TNFRSF10A: variants seen among roughly 807,000 people sequenced by gnomAD.
TNFRSF10A encodes the protein tumor necrosis factor receptor superfamily member 10A.
A neutral mutation model predicts 42.8 loss-of-function variants in TNFRSF10A; 44 were observed. The ratio of observed to expected loss-of-function variants is 1.03; its 90% CI spans 0.81 to 1.32. The LOEUF (loss-of-function observed/expected upper bound fraction) is 1.32. Ranked by LOEUF, TNFRSF10A falls within the 40% of genes most tolerant of loss-of-function variation. The pLI, the probability that TNFRSF10A is intolerant of heterozygous loss-of-function variation, is 0.00. For missense variants in TNFRSF10A, 680 were observed against 602.0 expected (o/e 1.13, Z -1.36); for synonymous variants, 259 against 234.2 (o/e 1.11, Z -0.97).
intron 6 of TNFRSF10A, 89 bp downstream of exon 6, chr8:23,200,416 T>G: frequency 6.9e-7 from 1 of 1,442,516 alleles, no homozygotes; most frequent in Non-Finnish European, 9.7e-7. Context: ...ACACTAGGAC[T>G]TGGGGCAGGG....
At chr8:23,194,453 T>C (rs11780345) in intron 9 of TNFRSF10A, among the ~76,000 whole-genome samples, 42,422 of 152,240 alleles carry the variant, frequency 0.28, 6,665 homozygotes, top group Non-Finnish European at 0.36. Context: ...TTGTCTTTGC[T>C]AGATATTTTG....
chr8:23,207,226 A>G (rs1219271422), intron 2 of TNFRSF10A: 4 of 598,612 alleles, frequency 6.7e-6, no homozygotes, highest in Non-Finnish European at 1.3e-5. Context: ...CACCAGATCA[A>G]ACAGGTTGTG....
At chr8:23,224,065 G>A (rs13260087) in intron 1 of TNFRSF10A, among the ~76,000 whole-genome samples, 1 of 152,118 alleles carries the variant, frequency 6.6e-6, no homozygotes, top group Admixed American at 6.5e-5. Context: ...GGTGGCTCAC[G>A]CCTGTAATCC....
At chr8:23,224,676 C>G (rs2128852703) in intron 1 of TNFRSF10A, 80 bp downstream of exon 1, 1 of 1,477,540 alleles carries the variant, frequency 6.8e-7, no homozygotes, top group South Asian at 1.3e-5. Context: ...CCAGGCACCC[C>G]CGCCGCGTCC....
chr8:23,215,098 T>C (rs1801157326), intron 1 of TNFRSF10A, among the ~76,000 whole-genome samples: 1 of 152,206 alleles, frequency 6.6e-6, no homozygotes, highest in Non-Finnish European at 1.5e-5. Context: ...CTCAAGTGTA[T>C]AAGGGTGATG....
chr8:23,201,051 G>A (rs75363255), intron 4 of TNFRSF10A, among the ~76,000 whole-genome samples: 2 of 152,150 alleles, frequency 1.3e-5, no homozygotes, highest in Non-Finnish European at 2.9e-5. Flanking sequence ...GGAGGCCTGC[G>A]TTAGGAGGAA....
chr8:23,200,017 A>G, intron 6 of TNFRSF10A, 100 bp from the exon 7 acceptor site: 5 of 1,477,156 alleles, frequency 3.4e-6, no homozygotes, highest in Non-Finnish European at 4.7e-6. Context: ...GGGCTGGGAC[A>G]CTGGACAAAG....
At position 23,200,471 on chromosome 8, in the gene TNFRSF10A, G is replaced by A. The variant is rs768589781; in HGVS notation, c.799+34C>T. On this transcript the variant is annotated intron_variant, in intron 6 of 9. Transcript: ENST00000221132. Reference sequence around the variant, plus strand: ...GGAACAGAAGAAGGCAGGGCAGAGAGTGCCCAGAGCCCTTGCCCTCAGCCA... The same window carrying A: ...GGAACAGAAGAAGGCAGGGCAGAGAATGCCCAGAGCCCTTGCCCTCAGCCA... The A allele has an allele frequency of 3.1e-6, 5 of 1,605,494 alleles. No individual in the cohort carries two copies. In the South Asian group the frequency reaches 4.4e-5, roughly 14 times the overall value.
At chr8:23,209,106 G>A (rs1444024344) in intron 2 of TNFRSF10A, among the ~76,000 whole-genome samples, 3 of 152,220 alleles carry the variant, frequency 2.0e-5, no homozygotes, top group Admixed American at 2.0e-4. Context: ...AGCTTGGGCT[G>A]TTGCTTCAGA....
intron 1 of TNFRSF10A, among the ~76,000 whole-genome samples, chr8:23,218,387 T>TA (rs1002276220): frequency 6.6e-6 from 1 of 152,108 alleles, no homozygotes; most frequent in Non-Finnish European, 1.5e-5. Flanking sequence ...ATACACACCC[T>TA]AAAAAAATGC....
chr8:23,197,108 C>T (rs1218158184), intron 9 of TNFRSF10A, 24 bp downstream of exon 9: 11 of 1,613,940 alleles, frequency 6.8e-6, no homozygotes, highest in Non-Finnish European at 9.3e-6. Flanking sequence ...ATTTCTGCTG[C>T]ATCTCCAGGA....
intron 3 of TNFRSF10A, 35 bp from the exon 4 acceptor site, chr8:23,201,954 T>A (rs536407875): frequency 6.3e-7 from 1 of 1,591,518 alleles, no homozygotes; most frequent in African/African-American, 1.3e-5. Flanking sequence ...GGAATGTGTT[T>A]CCCTGACGTG....
At chr8:23,199,195 G>A in intron 8 of TNFRSF10A, 71 bp downstream of exon 8, 1 of 1,555,116 alleles carries the variant, frequency 6.4e-7, no homozygotes, top group East Asian at 2.3e-5. Flanking sequence ...CTTCCCCTTT[G>A]ACCAGGAGAG....
chr8:23,200,750 C>A lies in TNFRSF10A; in HGVS notation c.640G>T (p.Gly214Trp). Reference sequence around the variant, plus strand: ...GTACAATCCTTGACCTTGACCATCCCTCTGGGGCACCTGGGTACACACAGG... The same window carrying A: ...GTACAATCCTTGACCTTGACCATCCATCTGGGGCACCTGGGTACACACAGG... ...CRKCSRGCPRGMVKVKDCTPW... is the reference protein window; with the variant it reads ...CRKCSRGCPRWMVKVKDCTPW... The change falls in exon 5 of 10, where the codon GGG (glycine) becomes TGG (tryptophan). Residue 214 changes from glycine to tryptophan, a missense_variant. Physicochemically the swap from Gly to Trp is radical, Grantham distance 184 (BLOSUM62 -2). Coordinates refer to ENST00000221132, the MANE Select transcript of TNFRSF10A (RefSeq NM_003844.4). The A allele has an allele frequency of 6.2e-7, 1 of 1,600,728 alleles. No individual in the cohort carries two copies. Among genetic ancestry groups the A allele is most frequent in the Non-Finnish European group, 8.5e-7 (1 of 1,172,596 alleles).
At chr8:23,216,395 G>C (rs773252531) in intron 1 of TNFRSF10A, among the ~76,000 whole-genome samples, 3 of 151,908 alleles carry the variant, frequency 2.0e-5, no homozygotes, top group Non-Finnish European at 4.4e-5. Context: ...TATATTTATA[G>C]AAGTGTATAA....
chr8:23,199,716 T>A (rs906224829), intron 7 of TNFRSF10A, among the ~76,000 whole-genome samples, 170 bp downstream of exon 7: 1 of 152,150 alleles, frequency 6.6e-6, no homozygotes, highest in Admixed American at 6.5e-5. Context: ...CCAGCCTGTA[T>A]GATGCTCAAA....
intron 1 of TNFRSF10A, among the ~76,000 whole-genome samples, chr8:23,223,600 C>T (rs1252301514): frequency 1.3e-5 from 2 of 152,190 alleles, no homozygotes; most frequent in Non-Finnish European, 2.9e-5. Context: ...TTTCAAAATG[C>T]TATTGGATTC....
chr8:23,210,198 T>G (rs1474812456), intron 2 of TNFRSF10A, among the ~76,000 whole-genome samples: 2 of 152,204 alleles, frequency 1.3e-5, no homozygotes, highest in Non-Finnish European at 2.9e-5. Context: ...ATTAAACCTC[T>G]TTCTTTTGTA....
At chr8:23,213,307 G>T (rs574260531) in intron 1 of TNFRSF10A, among the ~76,000 whole-genome samples, 2 of 151,872 alleles carry the variant, frequency 1.3e-5, no homozygotes, top group South Asian at 2.1e-4. Flanking sequence ...CTAAGTAAAG[G>T]TTTGTACATT....
Sources: gnomAD v4.1 joint callset for allele counts (sites outside exome capture counted in the v4.1 genomes callset) on GRCh38, gnomAD v4.1.1 for gene constraint, MANE v1.5 for transcripts, NCBI Gene and HGNC (gene_info 2026-07-23, HGNC 2026-07-21) for gene names.